The following KHDRBS3 variants were observed in gnomAD, a reference collection of about 807,000 sequenced individuals.
KHDRBS3 encodes KH RNA binding domain containing, signal transduction associated 3.
In KHDRBS3, 23 loss-of-function variants were observed where a neutral mutation model predicts 45.6. The observed-to-expected ratio is 0.50, with a 90% CI of 0.36 to 0.72. The LOEUF is 0.72. Ranked by LOEUF, KHDRBS3 falls within the 30% of genes least tolerant of loss-of-function variation. The pLI is 0.00. For missense variants in KHDRBS3, 352 were observed against 424.8 expected (o/e 0.83, Z 1.51); for synonymous variants, 162 against 156.5 (o/e 1.04, Z -0.26).
downstream of KHDRBS3, among the ~76,000 whole-genome samples, chr8:135,651,848 G>A (rs1016516205): frequency 2.0e-5 from 3 of 152,104 alleles, no homozygotes; most frequent in Non-Finnish European, 2.9e-5. Flanking sequence ...TGTTAGGAAC[G>A]GTTAGCCCAG....
At chr8:135,632,152 A>C (rs560109880) in intron 7 of KHDRBS3, among the ~76,000 whole-genome samples, 1 of 152,098 alleles carries the variant, frequency 6.6e-6, no homozygotes, top group Non-Finnish European at 1.5e-5. Context: ...ATCTTCTTCT[A>C]CTTTCTCTTG....
At chr8:135,570,500 A>C (rs1827649090) in intron 5 of KHDRBS3, among the ~76,000 whole-genome samples, 1 of 152,240 alleles carries the variant, frequency 6.6e-6, no homozygotes, top group South Asian at 2.1e-4. Context: ...AATATTAAAA[A>C]GTCCTTTTTT....
chr8:135,599,246 A>G lies in KHDRBS3; in HGVS notation c.808-7709A>G, dbSNP rs555590234. 1.6e-4 allele frequency among the ~76,000 whole-genome samples: 24 copies of G among 152,346 alleles called. 1 individual carries two copies. In the South Asian group the frequency reaches 4.6e-3, roughly 29 times the overall value. ...CAGCTCGGTGCTGTTTCGAAGCTAA[A>G]AAGTCAGACTTGATGAATAAGCAAG... On this transcript the variant is annotated intron_variant, in intron 6 of 8. Transcript: ENST00000355849.
At chr8:135,620,175 C>T (rs541857958) in intron 7 of KHDRBS3, among the ~76,000 whole-genome samples, 78 of 151,774 alleles carry the variant, frequency 5.1e-4, no homozygotes, top group African/African-American at 1.7e-3. Flanking sequence ...TTGGCTGAAG[C>T]GATTCTCCAT....
chr8:135,559,712 A>G (rs1338717820), intron 5 of KHDRBS3, among the ~76,000 whole-genome samples: 1 of 152,168 alleles, frequency 6.6e-6, no homozygotes, highest in Non-Finnish European at 1.5e-5. Context: ...TTATCCCTAC[A>G]TTACCAGTTT....
chr8:135,555,205 C>T (rs1177603698), intron 4 of KHDRBS3, among the ~76,000 whole-genome samples: 1 of 151,970 alleles, frequency 6.6e-6, no homozygotes, highest in Non-Finnish European at 1.5e-5. Flanking sequence ...TCTTCTTATC[C>T]TCCTCAGTTT....
intron 5 of KHDRBS3, among the ~76,000 whole-genome samples, chr8:135,559,511 C>A (rs745624146): frequency 6.6e-6 from 1 of 152,040 alleles, no homozygotes; most frequent in Non-Finnish European, 1.5e-5. Flanking sequence ...TGCCACCACA[C>A]CTGGTTAATT....
chr8:135,488,119 A>G (rs1253561285), intron 1 of KHDRBS3, among the ~76,000 whole-genome samples: 4 of 152,168 alleles, frequency 2.6e-5, no homozygotes, highest in Middle Eastern at 3.2e-3. Flanking sequence ...ATAGTATACA[A>G]GTATGTTTAT....
chr8:135,603,150 A>G (rs1470556655), intron 6 of KHDRBS3, among the ~76,000 whole-genome samples: 2 of 152,134 alleles, frequency 1.3e-5, no homozygotes, highest in African/African-American at 4.8e-5. Context: ...TACCCTTGAC[A>G]TGGCAATTGA....
In KHDRBS3 at chr8:135,625,509, C is replaced by T; in HGVS notation, c.890+18472C>T. The T allele has an allele frequency of 6.2e-6, 5 of 807,936 alleles. No homozygotes were observed. The South Asian group carries it at 7.0e-5, about 11-fold the overall frequency. 50.0% of individuals were successfully genotyped at this position (807,936 alleles called of 1,614,324 possible). A position where few individuals can be genotyped will look rare whatever the true frequency, so the allele number is the denominator to read the frequency against. On this transcript the variant is annotated intron_variant, in intron 7 of 8. Coordinates refer to ENST00000355849, the MANE Select transcript of KHDRBS3 (RefSeq NM_006558.3). ...TGTGTTGAGATGGGCCTCAGGGGAGCTGCACTGCTAGAACTGAGAGGTTTC... is the reference window on the plus strand; with the variant it reads ...TGTGTTGAGATGGGCCTCAGGGGAGTTGCACTGCTAGAACTGAGAGGTTTC...
chr8:135,557,139 A>C (rs139976553), intron 4 of KHDRBS3, among the ~76,000 whole-genome samples: 2,236 of 152,338 alleles, frequency 0.015, 21 homozygotes, highest in Admixed American at 0.026. Context: ...TGTAAATAAC[A>C]ACACCCATAT....
chr8:135,463,333 T>C (rs1188495336), intron 1 of KHDRBS3, among the ~76,000 whole-genome samples: 2 of 152,142 alleles, frequency 1.3e-5, no homozygotes, highest in African/African-American at 4.8e-5. Flanking sequence ...GCTTTGCTTC[T>C]TACAGCTTTA....
chr8:135,493,119 C>T (rs1586602831), intron 1 of KHDRBS3, among the ~76,000 whole-genome samples: 1 of 151,878 alleles, frequency 6.6e-6, no homozygotes. Flanking sequence ...ACTCTGTCCC[C>T]CAGGCTGGAG....
chr8:135,618,916 T>C (rs1830026571), intron 7 of KHDRBS3, among the ~76,000 whole-genome samples: 1 of 152,224 alleles, frequency 6.6e-6, no homozygotes. Flanking sequence ...GGCATTTTGC[T>C]GGTGCTCTGT....
intron 1 of KHDRBS3, among the ~76,000 whole-genome samples, chr8:135,491,956 T>A (rs1823176681): frequency 6.6e-6 from 1 of 152,022 alleles, no homozygotes; most frequent in African/African-American, 2.4e-5. Flanking sequence ...TTAAGCCAAT[T>A]TTACTTAAGA....
chr8:135,625,769 G>T, intron 7 of KHDRBS3: 1 of 764,656 alleles, frequency 1.3e-6, no homozygotes, highest in Non-Finnish European at 2.4e-6. Context: ...AGTTCTGGAT[G>T]CACCCGTGTT....
chr8:135,589,869 TC>T (rs1693938341), intron 6 of KHDRBS3, among the ~76,000 whole-genome samples: 1 of 152,228 alleles, frequency 6.6e-6, no homozygotes, highest in African/African-American at 2.4e-5. Flanking sequence ...TGTATACTTT[TC>T]AGCACACTTA....
chr8:135,644,494 A>G (rs181165216), intron 7 of KHDRBS3, among the ~76,000 whole-genome samples: 1 of 152,334 alleles, frequency 6.6e-6, no homozygotes, highest in East Asian at 1.9e-4. Flanking sequence ...AAAACATTTC[A>G]TCTGGGCATT....
intron 5 of KHDRBS3, among the ~76,000 whole-genome samples, chr8:135,572,900 A>G (rs1322164083): frequency 6.6e-6 from 1 of 152,252 alleles, no homozygotes; most frequent in Non-Finnish European, 1.5e-5. Context: ...AGGCAAGGAA[A>G]ACACTCTTAG....
Sources: gnomAD v4.1 joint callset for allele counts (sites outside exome capture counted in the v4.1 genomes callset) on GRCh38, gnomAD v4.1.1 for gene constraint, MANE v1.5 for transcripts, NCBI Gene and HGNC (gene_info 2026-07-23, HGNC 2026-07-21) for gene names.